The following CFAP299 variants were observed in gnomAD, a reference collection of about 807,000 sequenced individuals.
CFAP299 encodes the protein cilia and flagella associated protein 299.
A neutral mutation model predicts 27.0 loss-of-function variants in CFAP299; 21 were observed. That is an observed-to-expected ratio of 0.78 (90% CI 0.55 to 1.12). The LOEUF (loss-of-function observed/expected upper bound fraction) is 1.12. CFAP299 is among the 50% of genes most tolerant of loss of function. The pLI is 0.00. For synonymous variants in CFAP299, 104 were observed against 98.1 expected, an observed-to-expected ratio of 1.06 and a Z score of -0.36; for missense variants, 310 against 276.6, an observed-to-expected ratio of 1.12 and a Z score of -0.86.
intron 2 of CFAP299, chr4:80,388,592 G>A: frequency 7.0e-7 from 1 of 1,432,944 alleles, no homozygotes; most frequent in Non-Finnish European, 9.8e-7. Context: ...CTGGATAGCA[G>A]GGGACGCATT....
intron 3 of CFAP299, among the ~76,000 whole-genome samples, chr4:80,828,395 T>A (rs566555830): frequency 6.6e-6 from 1 of 152,006 alleles, no homozygotes; most frequent in Admixed American, 6.6e-5. Context: ...GCCTATGTGG[T>A]CAAATGATTT....
At chr4:80,662,767 G>A (rs1185117723) in intron 3 of CFAP299, among the ~76,000 whole-genome samples, 1 of 152,136 alleles carries the variant, frequency 6.6e-6, no homozygotes, top group African/African-American at 2.4e-5. Flanking sequence ...GGGTGTCCTG[G>A]AATAGGACAG....
rs533326162 is a variant in CFAP299, at chr4:80,623,112, A to G, written c.333+39929A>G. ...ATTTTATGCTTCTGTTCTACACTCA[A>G]TTTATTAGTAGGGTAAGTAGAAACA... On this transcript the variant is annotated intron_variant, in intron 3 of 5. Coordinates refer to ENST00000358105, the MANE Select transcript of CFAP299 (RefSeq NM_152770.3). Among the ~76,000 whole-genome samples the G allele has an allele frequency of 2.6e-5, 4 of 152,230 alleles. No homozygotes were observed. In the East Asian group the frequency reaches 7.7e-4, roughly 29 times the overall value.
chr4:80,746,052 C>T (rs1237868242), intron 3 of CFAP299, among the ~76,000 whole-genome samples: 1 of 151,946 alleles, frequency 6.6e-6, no homozygotes, highest in Non-Finnish European at 1.5e-5. Context: ...CTCCAAGGTA[C>T]AAAGAATTTA....
intron 2 of CFAP299, among the ~76,000 whole-genome samples, chr4:80,449,510 A>G (rs1322497044): frequency 2.6e-5 from 4 of 151,722 alleles, no homozygotes; most frequent in African/African-American, 7.3e-5. Context: ...TAGAGGGTTT[A>G]TTTCTAAAAC....
At chr4:80,526,487 A>G (rs1364049882) in intron 2 of CFAP299, among the ~76,000 whole-genome samples, 1 of 152,194 alleles carries the variant, frequency 6.6e-6, no homozygotes, top group Non-Finnish European at 1.5e-5. Flanking sequence ...AAATATCTAA[A>G]TAAGTCATCT....
At chr4:80,454,440 G>A (rs970768643) in intron 2 of CFAP299, among the ~76,000 whole-genome samples, 3 of 152,150 alleles carry the variant, frequency 2.0e-5, no homozygotes, top group African/African-American at 7.2e-5. Context: ...TATTGAAGTT[G>A]GTGCCCAGAG....
chr4:80,945,881 C>T (rs373053564), intron 5 of CFAP299, among the ~76,000 whole-genome samples: 6 of 152,018 alleles, frequency 3.9e-5, no homozygotes, highest in African/African-American at 1.4e-4. Flanking sequence ...AGGCCAGGCG[C>T]GGTGGCTCAC....
chr4:80,918,838 TG>T (rs776410077), intron 4 of CFAP299, among the ~76,000 whole-genome samples: 39 of 152,164 alleles, frequency 2.6e-4, no homozygotes, highest in African/African-American at 8.2e-4. Context: ...CAATGGCAGC[TG>T]CTGCATCAGA....
At chr4:80,383,129 A>G (rs1724795921) in intron 2 of CFAP299, among the ~76,000 whole-genome samples, 1 of 152,128 alleles carries the variant, frequency 6.6e-6, no homozygotes, top group Non-Finnish European at 1.5e-5. Context: ...GGGCTAAATG[A>G]TCAGAACACA....
the CFAP299 span, among the ~76,000 whole-genome samples, chr4:80,329,735 T>C: frequency 4.6e-5 from 7 of 152,114 alleles, no homozygotes; most frequent in African/African-American, 1.4e-4. Context: ...GGAGTTGTAT[T>C]ATTACCATGG....
rs1553926280 is a variant in CFAP299, at chr4:80,476,952, T to TGTGCGC, written c.243-106140_243-106139insTGCGCG. On this transcript the variant is annotated intron_variant, in intron 2 of 5. Coordinates refer to ENST00000358105, the MANE Select transcript of CFAP299 (RefSeq NM_152770.3). ...CATTTTGTGTGTGTGTGCGTGTGTG[T>TGTGCGC]GCGCATGCGTGTGTGTGTGTGTGTG... 3.3e-3 allele frequency among the ~76,000 whole-genome samples: 433 copies of TGTGCGC among 131,368 alleles called. 3 individuals are homozygous for TGTGCGC. Among genetic ancestry groups the TGTGCGC allele is most frequent in the South Asian group, 0.019 (69 of 3,642 alleles). 86.2% of individuals were successfully genotyped at this position (131,368 alleles called of 152,430 possible).
At chr4:80,411,622 C>T (rs1327973687) in intron 2 of CFAP299, among the ~76,000 whole-genome samples, 2 of 151,610 alleles carry the variant, frequency 1.3e-5, no homozygotes, top group Admixed American at 1.3e-4. Flanking sequence ...ATATTATGCA[C>T]TATTGATTTG....
chr4:80,365,335 C>G (rs764726325), intron 2 of CFAP299, among the ~76,000 whole-genome samples: 2 of 152,174 alleles, frequency 1.3e-5, no homozygotes, highest in Non-Finnish European at 2.9e-5. Flanking sequence ...TTGCCTTTCT[C>G]TAATGATCAG....
chr4:80,950,297 A>T (rs553651654), intron 5 of CFAP299, among the ~76,000 whole-genome samples: 80 of 148,212 alleles, frequency 5.4e-4, no homozygotes, highest in African/African-American at 1.9e-3. Context: ...AACTGTTGAG[A>T]ACTATGAAGC....
At chr4:80,616,575 A>G (rs1198818794) in intron 3 of CFAP299, among the ~76,000 whole-genome samples, 2 of 152,056 alleles carry the variant, frequency 1.3e-5, no homozygotes, top group Non-Finnish European at 2.9e-5. Context: ...GTTAGTAGCT[A>G]AGTTGGGGCA....
At chr4:80,604,656 C>A (rs1251317490) in intron 3 of CFAP299, among the ~76,000 whole-genome samples, 1 of 152,106 alleles carries the variant, frequency 6.6e-6, no homozygotes, top group African/African-American at 2.4e-5. Flanking sequence ...TTCATTTAGG[C>A]AAACATGAAA....
At chr4:80,824,833 A>G (rs1161543019) in intron 3 of CFAP299, among the ~76,000 whole-genome samples, 1 of 152,108 alleles carries the variant, frequency 6.6e-6, no homozygotes, top group Non-Finnish European at 1.5e-5. Context: ...ACACATCATT[A>G]GTTTCAAATA....
At chr4:80,398,797 A>G (rs1317646597) in intron 2 of CFAP299, among the ~76,000 whole-genome samples, 2 of 152,246 alleles carry the variant, frequency 1.3e-5, no homozygotes, top group Admixed American at 6.5e-5. Context: ...CTTCATGTCT[A>G]AAACACCGAA....
Sources: gnomAD v4.1 joint callset for allele counts (sites outside exome capture counted in the v4.1 genomes callset) on GRCh38, gnomAD v4.1.1 for gene constraint, MANE v1.5 for transcripts, NCBI Gene and HGNC (gene_info 2026-07-23, HGNC 2026-07-21) for gene names.